AGBL3: variants seen among roughly 807,000 people sequenced by gnomAD.
AGBL3 encodes AGBL carboxypeptidase 3.
AGBL3 carries 68 observed loss-of-function variants against 94.5 expected under a neutral mutation model. The ratio of observed to expected loss-of-function variants is 0.72; its 90% CI spans 0.59 to 0.88. AGBL3 has a LOEUF of 0.88. Among genes scored for constraint, AGBL3 ranks in the 40% least tolerant of loss-of-function variants. The pLI is 0.00. For synonymous variants in AGBL3, 354 were observed against 370.7 expected (o/e 0.95, Z 0.52); for missense variants, 934 against 1,103.8 (o/e 0.85, Z 2.18).
intron 11 of AGBL3, among the ~76,000 whole-genome samples, chr7:135,055,633 T>C (rs927732657): frequency 4.6e-5 from 7 of 152,198 alleles, no homozygotes; most frequent in African/African-American, 1.7e-4. Flanking sequence ...TGGTGTATAA[T>C]TCTTTTTATT....
chr7:135,135,257 G>A lies in AGBL3; in HGVS notation c.2759G>A (p.Ser920Asn), dbSNP rs927855378. The A allele has an allele frequency of 2.2e-5, 33 of 1,514,316 alleles. No individual in the cohort carries two copies. In the Admixed American group the frequency reaches 7.5e-4, roughly 34 times the overall value. 93.8% of individuals were successfully genotyped at this position (1,514,316 alleles called of 1,614,324 possible). A position where few individuals can be genotyped will look rare whatever the true frequency, so the allele number is the denominator to read the frequency against. ...TTATATCTGAAGTTCCAAAGGGAGA[G>A]TTAATCTAGCTTTATACTGCTCTGA... is the stretch of plus-strand genomic sequence containing the variant. ...PTLYLKFQRE[S>N] Residue 920 changes from serine to asparagine, a missense_variant, in exon 17 of 17, where the codon AGT becomes AAT. Physicochemically the swap from Ser to Asn is conservative, Grantham distance 46. This residue lies in a region of AGBL3 where 441 missense variants were observed against 518.2 expected (regional missense o/e 0.85). Coordinates refer to ENST00000436302, the MANE Select transcript of AGBL3 (RefSeq NM_178563.4).
At chr7:135,002,772 G>T (rs917923552) in intron 4 of AGBL3, among the ~76,000 whole-genome samples, 8 of 152,088 alleles carry the variant, frequency 5.3e-5, no homozygotes, top group Non-Finnish European at 1.0e-4. Flanking sequence ...ACTCATTCTG[G>T]TTTTTGACAA....
At chr7:135,012,114 G>A (rs1431039529) in intron 4 of AGBL3, 1 of 152,082 alleles carries the variant, frequency 6.6e-6, no homozygotes, top group East Asian at 1.9e-4. Context: ...AATGTGGATT[G>A]ATTTCATGAA....
chr7:135,105,701 C>T (rs1342519673), intron 15 of AGBL3, among the ~76,000 whole-genome samples: 1 of 152,040 alleles, frequency 6.6e-6, no homozygotes, highest in Non-Finnish European at 1.5e-5. Context: ...TTAGGATTGC[C>T]TTTGCTATTT....
intron 6 of AGBL3, among the ~76,000 whole-genome samples, chr7:135,033,757 G>T (rs1017286505): frequency 1.3e-5 from 2 of 152,076 alleles, no homozygotes; most frequent in African/African-American, 4.8e-5. Flanking sequence ...TATATCCCTA[G>T]TATTAGACTG....
At chr7:135,036,116 A>T (rs1485875844) in intron 7 of AGBL3, among the ~76,000 whole-genome samples, 1 of 152,072 alleles carries the variant, frequency 6.6e-6, no homozygotes, top group Non-Finnish European at 1.5e-5. Context: ...ATATTTCATA[A>T]TATTATAAAT....
At chr7:135,055,503 G>C (rs960384601) in intron 11 of AGBL3, among the ~76,000 whole-genome samples, 1 of 146,096 alleles carries the variant, frequency 6.8e-6, no homozygotes, top group African/African-American at 2.5e-5. Flanking sequence ...AATGCTTTAT[G>C]TCAAAAATAT....
intron 16 of AGBL3, among the ~76,000 whole-genome samples, chr7:135,121,130 G>A (rs1256498084): frequency 4.6e-5 from 7 of 152,116 alleles, no homozygotes; most frequent in East Asian, 1.9e-4. Context: ...ACTTGAACCC[G>A]GGAGGTGGAG....
intron 12 of AGBL3, among the ~76,000 whole-genome samples, chr7:135,061,161 T>A (rs1818808380): frequency 6.6e-6 from 1 of 152,166 alleles, no homozygotes; most frequent in Non-Finnish European, 1.5e-5. Flanking sequence ...AGGGCATTTT[T>A]AAATATACCT....
At chr7:135,021,917 G>A (rs181077791) in intron 5 of AGBL3, among the ~76,000 whole-genome samples, 43 of 152,234 alleles carry the variant, frequency 2.8e-4, no homozygotes, top group South Asian at 1.5e-3. Context: ...AACATGTGGC[G>A]TTTGGTTTTC....
intron 4 of AGBL3, among the ~76,000 whole-genome samples, chr7:134,999,293 T>A (rs1444547570): frequency 6.6e-6 from 1 of 152,206 alleles, no homozygotes; most frequent in Admixed American, 6.5e-5. Context: ...AGGACCCTTT[T>A]ATAGTCTCTG....
intron 15 of AGBL3, among the ~76,000 whole-genome samples, chr7:135,087,947 T>A (rs1351361088): frequency 6.6e-6 from 1 of 152,064 alleles, no homozygotes; most frequent in Non-Finnish European, 1.5e-5. Context: ...TTATATCAAA[T>A]TCTATCTCTC....
At chr7:134,992,447 C>T (rs959017510) in intron 3 of AGBL3, among the ~76,000 whole-genome samples, 1 of 152,196 alleles carries the variant, frequency 6.6e-6, no homozygotes, top group Non-Finnish European at 1.5e-5. Flanking sequence ...CATTTATGAT[C>T]ACTGAAATTA....
intron 9 of AGBL3, 139 bp from the exon 10 acceptor site, chr7:135,045,335 T>C (rs1817255677): frequency 1.5e-6 from 1 of 664,428 alleles, no homozygotes; most frequent in Non-Finnish European, 2.6e-6. Flanking sequence ...AGATGTTAAA[T>C]GACCTGTCCT....
chr7:135,109,607 C>A (rs1044941334), intron 15 of AGBL3, among the ~76,000 whole-genome samples: 2 of 152,220 alleles, frequency 1.3e-5, no homozygotes, highest in Non-Finnish European at 2.9e-5. Context: ...GGTGGCCCAC[C>A]CCTCCCTCTG....
At chr7:135,125,052 G>C (rs1827675348) in intron 16 of AGBL3, among the ~76,000 whole-genome samples, 1 of 151,954 alleles carries the variant, frequency 6.6e-6, no homozygotes, top group South Asian at 2.1e-4. Context: ...ACTAAGATTA[G>C]AGCAGAATTG....
At chr7:135,103,597 T>G (rs1385258362) in intron 15 of AGBL3, among the ~76,000 whole-genome samples, 1 of 152,184 alleles carries the variant, frequency 6.6e-6, no homozygotes, top group Non-Finnish European at 1.5e-5. Flanking sequence ...CCATAATCCC[T>G]ACTGTTTTCT....
chr7:135,065,240 G>A (rs764130431), intron 12 of AGBL3, among the ~76,000 whole-genome samples: 1 of 152,160 alleles, frequency 6.6e-6, no homozygotes, highest in Admixed American at 6.5e-5. Flanking sequence ...AATTAATATT[G>A]TCAAAATGTC....
At chr7:135,112,125 C>G (rs1286300562) in intron 15 of AGBL3, among the ~76,000 whole-genome samples, 1 of 152,198 alleles carries the variant, frequency 6.6e-6, no homozygotes, top group Admixed American at 6.5e-5. Context: ...TCTAAAGATT[C>G]TCTTGAATCT....
Sources: gnomAD v4.1 joint callset for allele counts (sites outside exome capture counted in the v4.1 genomes callset) on GRCh38, gnomAD v4.1.1 for gene constraint, gnomAD v4.1.1 regional missense constraint, MANE v1.5 for transcripts, NCBI Gene and HGNC (gene_info 2026-07-23, HGNC 2026-07-21) for gene names.